Variants in DRD2 observed in about 807,000 individuals in gnomAD.
The protein encoded by DRD2 is D(2) dopamine receptor.
Under a neutral mutation model 38.0 loss-of-function variants are expected in DRD2, and 8 were observed. The ratio of observed to expected loss-of-function variants is 0.21; its 90% CI spans 0.12 to 0.38. The LOEUF is 0.38. Among genes scored for constraint, DRD2 ranks in the 10% least tolerant of loss-of-function variants. DRD2 has a pLI of 1.00. For synonymous variants in DRD2, 230 were observed against 238.6 expected, an observed-to-expected ratio of 0.96 and a Z score of 0.33; for missense variants, 403 against 607.7, an observed-to-expected ratio of 0.66 and a Z score of 3.54.
chr11:113,461,650 G>A lies in DRD2; in HGVS notation c.-32+13426C>T, dbSNP rs1009065778. Reference sequence around the variant, plus strand: ...CTGACTCTGCCCCCAAAAGATCCTGGGTAATTCACTTGGCCTACCGGAGTT... The same window carrying A: ...CTGACTCTGCCCCCAAAAGATCCTGAGTAATTCACTTGGCCTACCGGAGTT... On this transcript the variant is annotated intron_variant, in intron 1 of 7. Coordinates refer to ENST00000362072, the MANE Select transcript of DRD2 (RefSeq NM_000795.4). 7.2e-5 allele frequency among the ~76,000 whole-genome samples: 11 copies of A among 152,234 alleles called. No homozygotes were observed. The South Asian group carries it at 2.1e-3, about 29-fold the overall frequency.
At position 113,424,556 on chromosome 11, in the gene DRD2, G is replaced by A; in HGVS notation, c.96C>T (p.Pro32=). The change falls in exon 2 of 8, where the codon CCC becomes CCT. Residue 32 remains proline (P), a synonymous_variant. Transcript: ENST00000362072. ...GCAGTGTGGCATAGTAGTTGTAGTG[G>A]GGTCTGTCCGCCTTCCCGTCTGACC... ...FNGSDGKADR[P]HYNYYATLLT... The A allele has an allele frequency of 1.2e-6, 2 of 1,614,238 alleles. No homozygotes were observed. The highest frequency in any genetic ancestry group is 4.5e-5 in the East Asian group (2 of 44,884).
chr11:113,446,974 G>C (rs1027397009), intron 1 of DRD2, among the ~76,000 whole-genome samples: 2 of 152,196 alleles, frequency 1.3e-5, no homozygotes, highest in Admixed American at 6.5e-5. Context: ...GCTGCTGTGG[G>C]CTTCATCTGC....
chr11:113,423,007 C>T (rs768502539), intron 2 of DRD2, among the ~76,000 whole-genome samples: 4 of 152,192 alleles, frequency 2.6e-5, no homozygotes, highest in Non-Finnish European at 4.4e-5. Context: ...AATGCCTGAT[C>T]CCATGCCTTC....
intron 1 of DRD2, 56 bp from the exon 2 acceptor site, chr11:113,424,738 C>G (rs1308659433): frequency 1.3e-6 from 2 of 1,539,962 alleles, no homozygotes; most frequent in Non-Finnish European, 1.8e-6. Context: ...GCAGAGGTCT[C>G]CAGGAAGAAG....
chr11:113,466,064 G>A (rs374377833), intron 1 of DRD2, among the ~76,000 whole-genome samples: 14 of 152,310 alleles, frequency 9.2e-5, no homozygotes, highest in South Asian at 6.2e-4. Context: ...AGGGGTGATA[G>A]TAACTTGATA....
At position 113,463,849 on chromosome 11, in the gene DRD2, G is replaced by A. The variant is rs181919941; in HGVS notation, c.-32+11227C>T. ...GAAGAGAGGCCCTTGGCCCAGGTAG[G>A]TGAAAGAGTGTAGGAAGGAAAATTG... On this transcript the variant is annotated intron_variant, in intron 1 of 7. Transcript: ENST00000362072. 3.0e-3 allele frequency among the ~76,000 whole-genome samples: 461 copies of A among 152,324 alleles called. 1 individual carries two copies. Among genetic ancestry groups the A allele is most frequent in the African/African-American group, 0.011 (448 of 41,574 alleles).
intron 1 of DRD2, among the ~76,000 whole-genome samples, chr11:113,437,394 G>T (rs376134265): frequency 1.3e-5 from 2 of 152,112 alleles, no homozygotes; most frequent in East Asian, 1.9e-4. Flanking sequence ...GATGGGCAGG[G>T]TCTCACCCCT....
Position 113,410,551 on chromosome 11 carries a change from A to G in DRD2, c.*176T>C. ...CCCAGCTCACTAGCACTGCCCTGGC[A>G]GAGTGAGGGTGTGCGGGCAGTGAGG... is the stretch of plus-strand genomic sequence containing the variant. On this transcript the variant is annotated 3_prime_UTR_variant, in exon 8 of 8. Transcript: ENST00000362072. 1.2e-6 allele frequency: 1 copy of G among 832,306 alleles called. No individual in the cohort carries two copies. The highest frequency in any genetic ancestry group is 2.0e-6 in the Non-Finnish European group (1 of 511,236). 51.6% of individuals were successfully genotyped at this position (832,306 alleles called of 1,614,324 possible). A position where few individuals can be genotyped will look rare whatever the true frequency, so the allele number is the denominator to read the frequency against.
At chr11:113,447,190 G>T (rs1381097007) in intron 1 of DRD2, among the ~76,000 whole-genome samples, 1 of 152,276 alleles carries the variant, frequency 6.6e-6, no homozygotes, top group East Asian at 1.9e-4. Flanking sequence ...AAGTCGGGAG[G>T]CCCGCTGGGC....
chr11:113,456,488 ACAATACATACATGTAT>A (rs1392062848), intron 1 of DRD2, among the ~76,000 whole-genome samples: 79 of 152,362 alleles, frequency 5.2e-4, no homozygotes, highest in African/African-American at 1.8e-3. Context: ...TGCTCGTTCC[ACAATACATACATGTAT>A]TGAAGCATTA....
intron 4 of DRD2, among the ~76,000 whole-genome samples, 181 bp downstream of exon 4, chr11:113,416,681 TA>T (rs1425702548): frequency 6.6e-6 from 1 of 152,180 alleles, no homozygotes; most frequent in Non-Finnish European, 1.5e-5. Flanking sequence ...TCTGCCAACC[TA>T]GAACAACTCT....
At chr11:113,438,770 A>G (rs992232962) in intron 1 of DRD2, among the ~76,000 whole-genome samples, 2 of 152,232 alleles carry the variant, frequency 1.3e-5, no homozygotes, top group Admixed American at 6.5e-5. Context: ...TGCAACAGCT[A>G]TGAGACATCT....
At chr11:113,454,741 C>T (rs1195126370) in intron 1 of DRD2, among the ~76,000 whole-genome samples, 1 of 152,106 alleles carries the variant, frequency 6.6e-6, no homozygotes, top group East Asian at 1.9e-4. Context: ...ATAGAGAAAA[C>T]GTGGTATCCA....
In DRD2 at chr11:113,446,018, G is replaced by A. The variant is rs139858421; in HGVS notation, c.-31-21336C>T. Among the ~76,000 whole-genome samples, 776 of 152,196 alleles carry A rather than the reference G, an allele frequency of 5.1e-3. 4 individuals carry two copies. Among genetic ancestry groups the A allele is most frequent in the Non-Finnish European group, 5.8e-3 (397 of 68,014 alleles). ...CGTGAGTTCCAGTGAGTTGCCTGTTGTCCTGGCCCAGTAAGTTTTTCTCTG... is the reference window on the plus strand; with the variant it reads ...CGTGAGTTCCAGTGAGTTGCCTGTTATCCTGGCCCAGTAAGTTTTTCTCTG... On this transcript the variant is annotated intron_variant, in intron 1 of 7. Coordinates refer to ENST00000362072, the MANE Select transcript of DRD2 (RefSeq NM_000795.4).
intron 6 of DRD2, chr11:113,413,208 C>T (rs546963939): frequency 1.3e-4 from 82 of 625,662 alleles, no homozygotes; most frequent in Middle Eastern, 2.9e-4. Flanking sequence ...GCCACAGTGG[C>T]TGCTGGGGTC....
chr11:113,437,458 A>G (rs572323114), intron 1 of DRD2, among the ~76,000 whole-genome samples: 23 of 152,256 alleles, frequency 1.5e-4, no homozygotes, highest in African/African-American at 5.5e-4. Context: ...GGAACTTCTC[A>G]TATAATTATA....
chr11:113,414,089 G>C, intron 6 of DRD2: 1 of 465,160 alleles, frequency 2.1e-6, no homozygotes, highest in Non-Finnish European at 4.0e-6. Flanking sequence ...TGAGATAATA[G>C]GGATATGGTA....
rs1416273328 is a variant in DRD2, at chr11:113,410,787, G to A, written c.1272C>T (p.Ile424=). The A allele has an allele frequency of 1.2e-5, 19 of 1,611,934 alleles. No individual in the cohort carries two copies. The East Asian group carries it at 4.0e-4, about 34-fold the overall frequency. ...ACTCAATGTTGAAGGTGGTGTAGATGATGGGGTTCACGGCGCTGTTGACAT... is the reference window on the plus strand; with the variant it reads ...ACTCAATGTTGAAGGTGGTGTAGATAATGGGGTTCACGGCGCTGTTGACAT... ...LGYVNSAVNP[I]IYTTFNIEFR... is the part of the protein sequence containing the mutation. The change falls in exon 8 of 8, where the codon ATC becomes ATT. Residue 424 remains isoleucine (I), a synonymous_variant. Transcript: ENST00000362072.
intron 1 of DRD2, among the ~76,000 whole-genome samples, chr11:113,444,377 C>T (rs938211535): frequency 6.6e-6 from 1 of 152,122 alleles, no homozygotes; most frequent in South Asian, 2.1e-4. Flanking sequence ...ATGAACAGAA[C>T]GTTTGGTAAA....
Sources: allele counts gnomAD v4.1 joint callset (sites outside exome capture counted in the v4.1 genomes callset), GRCh38; gene constraint gnomAD v4.1.1; transcripts MANE v1.5; gene names NCBI Gene and HGNC (gene_info 2026-07-23, HGNC 2026-07-21).